Variants in NKAIN2 observed in about 807,000 individuals in gnomAD.
The protein encoded by NKAIN2 is sodium/potassium-transporting ATPase subunit beta-1-interacting protein 2.
Under a neutral mutation model 32.6 loss-of-function variants are expected in NKAIN2, and 14 were observed. That is an observed-to-expected ratio of 0.43 (90% confidence interval 0.28 to 0.67). The LOEUF is 0.67. Ranked by LOEUF, NKAIN2 falls within the 30% of genes least tolerant of loss-of-function variation. The pLI, the probability that NKAIN2 is intolerant of heterozygous loss-of-function variation, is 0.17. For synonymous variants in NKAIN2, 80 were observed against 87.2 expected (o/e 0.92, Z 0.46); for missense variants, 198 against 258.3 (o/e 0.77, Z 1.60).
chr6:124,195,560 C>T (rs556003032), intron 1 of NKAIN2, among the ~76,000 whole-genome samples: 1 of 152,224 alleles, frequency 6.6e-6, no homozygotes, highest in Non-Finnish European at 1.5e-5. Flanking sequence ...TAAACTGAAT[C>T]CCAAAGAGTT....
At chr6:124,705,147 A>G (rs1402280683) in intron 4 of NKAIN2, among the ~76,000 whole-genome samples, 1 of 152,114 alleles carries the variant, frequency 6.6e-6, no homozygotes, top group Non-Finnish European at 1.5e-5. Context: ...TGTGATAAAT[A>G]GTACTAGGAA....
intron 1 of NKAIN2, among the ~76,000 whole-genome samples, chr6:123,938,562 T>A (rs1776665300): frequency 7.3e-6 from 1 of 137,576 alleles, no homozygotes; most frequent in Non-Finnish European, 1.5e-5. Flanking sequence ...TTATATATTT[T>A]TATATATTAT....
At chr6:124,248,854 A>G (rs891068689) in intron 1 of NKAIN2, among the ~76,000 whole-genome samples, 16 of 152,150 alleles carry the variant, frequency 1.1e-4, no homozygotes, top group African/African-American at 3.6e-4. Context: ...GTGTGCTAAC[A>G]CAGGATAAGG....
intron 3 of NKAIN2, among the ~76,000 whole-genome samples, chr6:124,452,898 C>G (rs948869481): frequency 2.0e-5 from 3 of 152,102 alleles, no homozygotes; most frequent in African/African-American, 4.8e-5. Context: ...CATGTTACAT[C>G]TAACCCAAGG....
chr6:124,459,749 T>A, intron 3 of NKAIN2, among the ~76,000 whole-genome samples: 1 of 151,796 alleles, frequency 6.6e-6, no homozygotes. Context: ...ATCTCTTTAC[T>A]GTAAAATTAA....
chr6:124,241,852 C>A (rs181223479), intron 1 of NKAIN2, among the ~76,000 whole-genome samples: 5 of 151,614 alleles, frequency 3.3e-5, no homozygotes, highest in Admixed American at 6.6e-5. Flanking sequence ...ATGTATATGA[C>A]AGAAAACTGA....
intron 3 of NKAIN2, among the ~76,000 whole-genome samples, chr6:124,394,456 GAGATAGAT>G (rs59551274): frequency 0.032 from 4,665 of 143,666 alleles, 83 homozygotes; most frequent in South Asian, 0.051. Context: ...GAATCAATAT[GAGATAGAT>G]AGATAGATAG....
intron 5 of NKAIN2, among the ~76,000 whole-genome samples, chr6:124,806,090 T>C (rs142005226): frequency 0.018 from 2,788 of 152,178 alleles, 89 homozygotes; most frequent in African/African-American, 0.063. Flanking sequence ...GGAGAACTTC[T>C]CCAATCTAGC....
chr6:124,030,534 A>T (rs1781361675), intron 1 of NKAIN2, among the ~76,000 whole-genome samples: 1 of 152,186 alleles, frequency 6.6e-6, no homozygotes, highest in East Asian at 1.9e-4. Context: ...GATGGTGTAC[A>T]AGATGTTATA....
intron 1 of NKAIN2, among the ~76,000 whole-genome samples, chr6:124,218,070 C>A (rs947009498): frequency 6.6e-6 from 1 of 150,840 alleles, no homozygotes; most frequent in African/African-American, 2.4e-5. Context: ...AGTAAAAGGC[C>A]GTATGGCAAA....
intron 1 of NKAIN2, among the ~76,000 whole-genome samples, chr6:123,951,224 T>G (rs563542544): frequency 6.6e-6 from 1 of 152,170 alleles, no homozygotes; most frequent in South Asian, 2.1e-4. Flanking sequence ...GAGAAAAATG[T>G]GTGTTCTGTG....
At chr6:123,998,741 C>T (rs199558923) in intron 1 of NKAIN2, among the ~76,000 whole-genome samples, 3 of 132,640 alleles carry the variant, frequency 2.3e-5, no homozygotes, top group African/African-American at 8.6e-5. Flanking sequence ...CTCTCTCTCT[C>T]TCTGTGTGTG....
At chr6:124,572,498 ATTAT>A (rs1397825156) in intron 3 of NKAIN2, among the ~76,000 whole-genome samples, 1 of 152,200 alleles carries the variant, frequency 6.6e-6, no homozygotes, top group Non-Finnish European at 1.5e-5. Flanking sequence ...TTTCCGGTAA[ATTAT>A]TTATTTTCAG....
chr6:124,627,427 A>C (rs1783397055), intron 3 of NKAIN2, among the ~76,000 whole-genome samples: 1 of 152,148 alleles, frequency 6.6e-6, no homozygotes, highest in South Asian at 2.1e-4. Flanking sequence ...GAAATACCAT[A>C]AGCTTTGGAG....
intron 3 of NKAIN2, among the ~76,000 whole-genome samples, chr6:124,588,674 G>T (rs1781799308): frequency 6.6e-6 from 1 of 152,138 alleles, no homozygotes; most frequent in Non-Finnish European, 1.5e-5. Flanking sequence ...TAAGCCCAGA[G>T]ATACTCAGAG....
intron 3 of NKAIN2, among the ~76,000 whole-genome samples, chr6:124,629,576 C>G (rs540118213): frequency 6.6e-6 from 1 of 152,222 alleles, no homozygotes; most frequent in Admixed American, 6.5e-5. Context: ...AAAATAAGTG[C>G]TTTTGAGCTT....
At chr6:124,379,749 T>C (rs1772542272) in intron 3 of NKAIN2, among the ~76,000 whole-genome samples, 1 of 152,160 alleles carries the variant, frequency 6.6e-6, no homozygotes, top group African/African-American at 2.4e-5. Flanking sequence ...TGTAGAACTA[T>C]GATGTCATTT....
intron 3 of NKAIN2, among the ~76,000 whole-genome samples, chr6:124,480,571 T>C (rs1265554479): frequency 6.8e-6 from 1 of 146,766 alleles, no homozygotes; most frequent in Non-Finnish European, 1.5e-5. Context: ...CTTGTTTTAG[T>C]TCCAAGATGT....
At chr6:123,965,497 C>T (rs1488644341) in intron 1 of NKAIN2, among the ~76,000 whole-genome samples, 1 of 152,110 alleles carries the variant, frequency 6.6e-6, no homozygotes, top group Admixed American at 6.6e-5. Context: ...ACATTACACT[C>T]ACAGTCCTTA....
Sources: gnomAD v4.1 joint callset for allele counts (sites outside exome capture counted in the v4.1 genomes callset) on GRCh38, gnomAD v4.1.1 for gene constraint, MANE v1.5 for transcripts, NCBI Gene and HGNC (gene_info 2026-07-23, HGNC 2026-07-21) for gene names.